Variants in EGFL6 observed in about 807,000 individuals in gnomAD.
EGFL6 encodes EGF like domain multiple 6, also known as epidermal growth factor-like protein 6.
Under a neutral mutation model 43.1 loss-of-function variants are expected in EGFL6, and 42 were observed. The observed-to-expected ratio is 0.98, with a 90% CI of 0.76 to 1.26. The LOEUF is 1.26. EGFL6 is among the 50% of genes most tolerant of loss of function. EGFL6 has a pLI of 0.00. For missense variants in EGFL6, 429 were observed against 427.8 expected, an observed-to-expected ratio of 1.00 and a Z score of -0.02; for synonymous variants, 164 against 163.2, an observed-to-expected ratio of 1.01 and a Z score of -0.04.
intron 3 of EGFL6, 37 bp from the exon 4 acceptor site, chrX:13,599,938 C>G: frequency 8.3e-7 from 1 of 1,201,373 alleles, no homozygotes; most frequent in Non-Finnish European, 1.1e-6. Context: ...TTTCCTGATT[C>G]AGTTCACCTT....
At position 13,628,552 on chromosome X, in the gene EGFL6, G is replaced by A. The variant is rs146987349; in HGVS notation, c.1551+1276G>A. 2.9e-4 allele frequency among the ~76,000 whole-genome samples: 32 copies of A among 111,065 alleles called. 1 individual carries two copies. In the East Asian group the frequency reaches 8.2e-3, roughly 29 times the overall value. ...AGGTAGGCCAGACGAGGTGACTCACGCCTGTAATCCCAACACTTTGGGAGG... is the reference window on the plus strand; with the variant it reads ...AGGTAGGCCAGACGAGGTGACTCACACCTGTAATCCCAACACTTTGGGAGG... On this transcript the variant is annotated intron_variant, in intron 11 of 11. Transcript: ENST00000361306.
In EGFL6 at chrX:13,570,799, C is replaced by T. The variant is rs767618561; in HGVS notation, c.74+864C>T. Among the ~76,000 whole-genome samples, 8 of 111,738 alleles carry T rather than the reference C, an allele frequency of 7.2e-5. No homozygotes were observed. In the South Asian group the frequency reaches 1.9e-3, roughly 26 times the overall value. ...AGGTAAAGTAATTTGCCTGAGGAAG[C>T]ATAGCCAGTAAGAGATGGAGCCAGG... On this transcript the variant is annotated intron_variant, in intron 1 of 11. Coordinates refer to ENST00000361306, the MANE Select transcript of EGFL6 (RefSeq NM_015507.4).
intron 5 of EGFL6, among the ~76,000 whole-genome samples, chrX:13,606,134 T>C (rs2045658892): frequency 8.9e-6 from 1 of 111,812 alleles, no homozygotes. Flanking sequence ...AAGATGTGAA[T>C]GTAAGTAATG....
At chrX:13,591,895 T>C (rs1289123641) in intron 2 of EGFL6, among the ~76,000 whole-genome samples, 1 of 111,675 alleles carries the variant, frequency 9.0e-6, no homozygotes, top group Non-Finnish European at 1.9e-5. Flanking sequence ...TACAGAATTG[T>C]CCATAAACAA....
chrX:13,571,757 T>G (rs1359101209), intron 1 of EGFL6, among the ~76,000 whole-genome samples: 1 of 112,381 alleles, frequency 8.9e-6, no homozygotes, highest in Non-Finnish European at 1.9e-5. Flanking sequence ...GTGTTTATTA[T>G]TTGCTCAATG....
chrX:13,599,406 T>A (rs1437345984), intron 3 of EGFL6, among the ~76,000 whole-genome samples: 2 of 110,925 alleles, frequency 1.8e-5, no homozygotes, highest in African/African-American at 6.6e-5. Flanking sequence ...TATCACAGAT[T>A]AGCTGTGCTT....
At chrX:13,602,651 T>C (rs980650062) in intron 4 of EGFL6, among the ~76,000 whole-genome samples, 7 of 111,791 alleles carry the variant, frequency 6.3e-5, no homozygotes, top group Admixed American at 4.7e-4. Flanking sequence ...CTTTTTATCA[T>C]GCAGTAATAT....
At chrX:13,612,380 A>G (rs2045694365) in intron 7 of EGFL6, among the ~76,000 whole-genome samples, 1 of 109,124 alleles carries the variant, frequency 9.2e-6, no homozygotes, top group African/African-American at 3.3e-5. Flanking sequence ...TTATAGATTA[A>G]CAGCATCCCA....
chrX:13,576,614 G>A (rs2045472677), intron 1 of EGFL6, among the ~76,000 whole-genome samples: 1 of 111,803 alleles, frequency 8.9e-6, no homozygotes, highest in African/African-American at 3.3e-5. Context: ...TGAAGTGAAG[G>A]CTGGGAAATG....
At chrX:13,589,490 A>G in intron 1 of EGFL6, 66 bp from the exon 2 acceptor site, 1 of 900,449 alleles carries the variant, frequency 1.1e-6, no homozygotes, top group Non-Finnish European at 1.5e-6. Context: ...TTCTTTTAGT[A>G]GTAGGGAAGA....
chrX:13,600,755 A>G (rs1602648568), intron 4 of EGFL6, among the ~76,000 whole-genome samples: 1 of 103,352 alleles, frequency 9.7e-6, no homozygotes, highest in South Asian at 4.3e-4. Context: ...AAAAAAAAAT[A>G]CAAAAATTAG....
chrX:13,630,707 G>A (rs1241177561), intron 11 of EGFL6, among the ~76,000 whole-genome samples: 2 of 112,271 alleles, frequency 1.8e-5, no homozygotes, highest in African/African-American at 6.5e-5. Context: ...ATAGACCCTT[G>A]TCATCTCCAT....
chrX:13,631,171 CA>C (rs962262254), intron 11 of EGFL6, among the ~76,000 whole-genome samples: 10 of 111,998 alleles, frequency 8.9e-5, no homozygotes, highest in African/African-American at 3.2e-4. Flanking sequence ...TACCATGTTC[CA>C]AATGAAATAT....
intron 1 of EGFL6, among the ~76,000 whole-genome samples, chrX:13,586,080 C>G (rs1327274623): frequency 8.9e-6 from 1 of 111,921 alleles, no homozygotes; most frequent in Non-Finnish European, 1.9e-5. Context: ...ACAAATAACC[C>G]AGTTAAAAAA....
intron 6 of EGFL6, 117 bp from the exon 7 acceptor site, chrX:13,608,207 C>A: frequency 1.1e-6 from 1 of 934,332 alleles, no homozygotes; most frequent in Non-Finnish European, 1.5e-6. Context: ...AGTTCTCAGG[C>A]AATGCTTGGT....
At chrX:13,602,563 C>T (rs1390236665) in intron 4 of EGFL6, among the ~76,000 whole-genome samples, 1 of 111,901 alleles carries the variant, frequency 8.9e-6, no homozygotes, top group African/African-American at 3.3e-5. Context: ...CTCCAGACAT[C>T]ACACACACAT....
chrX:13,632,766 T>G (rs1176396713), intron 11 of EGFL6, among the ~76,000 whole-genome samples: 1 of 111,754 alleles, frequency 8.9e-6, no homozygotes, highest in Admixed American at 9.5e-5. Context: ...TATGGCGTTT[T>G]TCAGAATCTA....
chrX:13,597,149 C>A (rs150031010), intron 3 of EGFL6, among the ~76,000 whole-genome samples: 3 of 112,211 alleles, frequency 2.7e-5, no homozygotes, highest in East Asian at 5.6e-4. Context: ...TTTGTGTCAA[C>A]GGAAGTTAAG....
intron 2 of EGFL6, among the ~76,000 whole-genome samples, chrX:13,592,550 A>T (rs1410991122): frequency 1.8e-5 from 2 of 112,207 alleles, no homozygotes; most frequent in Non-Finnish European, 3.8e-5. Context: ...GTAGTGGATG[A>T]AAGACAAGCA....
Sources: gnomAD v4.1 joint callset for allele counts (sites outside exome capture counted in the v4.1 genomes callset) on GRCh38, gnomAD v4.1.1 for gene constraint, MANE v1.5 for transcripts, NCBI Gene and HGNC (gene_info 2026-07-23, HGNC 2026-07-21) for gene names.